FHIP1A: variants seen among roughly 807,000 people sequenced by gnomAD.
FHIP1A encodes the protein FHF complex subunit HOOK interacting protein 1A.
In FHIP1A, 61 loss-of-function variants were observed where a neutral mutation model predicts 88.6. The ratio of observed to expected loss-of-function variants is 0.69; its 90% CI spans 0.56 to 0.85. FHIP1A has a LOEUF of 0.85. FHIP1A is among the 40% of genes least tolerant of loss of function. The probability of loss-of-function intolerance (pLI) is 0.00; values close to 1 mark genes in which losing one functional copy is unlikely to be tolerated. For synonymous variants in FHIP1A, 478 were observed against 496.0 expected (o/e 0.96, Z 0.48); for missense variants, 1,154 against 1,273.5 (o/e 0.91, Z 1.43).
intron 1 of FHIP1A, among the ~76,000 whole-genome samples, chr4:151,438,490 T>G (rs1728287282): frequency 6.6e-6 from 1 of 151,828 alleles, no homozygotes; most frequent in Non-Finnish European, 1.5e-5. Context: ...AAACCAAAAG[T>G]ATGGGATTTG....
Position 151,649,660 on chromosome 4 carries a change from C to T in FHIP1A, c.1619C>T (p.Thr540Met), listed in dbSNP as rs564075271. The change falls in exon 11 of 14, where the codon ACG (threonine) becomes ATG (methionine). Residue 540 changes from threonine to methionine, a missense_variant. Coordinates refer to ENST00000435205, the MANE Select transcript of FHIP1A (RefSeq NM_001109977.3). ...CCTGAGATGTTTCTCCAGAGTCTGA[C>T]GGAGGAGGGCAGTGTGAGCTCGGCC... ...PDPEMFLQSLTEEGSVSSACP... is the reference protein window; with the variant it reads ...PDPEMFLQSLMEEGSVSSACP... 85 of 1,551,572 alleles carry T rather than the reference C, an allele frequency of 5.5e-5. 1 individual carries two copies. Among genetic ancestry groups the T allele is most frequent in the East Asian group, 3.7e-4 (15 of 40,902 alleles).
chr4:151,639,912 GGGA>G (rs1736505240), intron 9 of FHIP1A, among the ~76,000 whole-genome samples: 1 of 152,184 alleles, frequency 6.6e-6, no homozygotes, highest in Non-Finnish European at 1.5e-5. Flanking sequence ...TGGGGGAAGA[GGGA>G]GGAGACCTGG....
chr4:151,636,176 AAATC>A (rs1349910833), intron 8 of FHIP1A, among the ~76,000 whole-genome samples: 1 of 152,032 alleles, frequency 6.6e-6, no homozygotes, highest in Non-Finnish European at 1.5e-5. Flanking sequence ...TAAAGTCTGA[AAATC>A]AATTAATGTA....
intron 7 of FHIP1A, among the ~76,000 whole-genome samples, chr4:151,593,002 C>G (rs531474665): frequency 8.4e-4 from 128 of 152,268 alleles, no homozygotes; most frequent in Non-Finnish European, 1.5e-3. Context: ...TTTCCCAGCA[C>G]CATTTATTAA....
At chr4:151,505,940 T>A (rs1328799318) in intron 3 of FHIP1A, among the ~76,000 whole-genome samples, 1 of 152,130 alleles carries the variant, frequency 6.6e-6, no homozygotes, top group Non-Finnish European at 1.5e-5. Flanking sequence ...ATTTTTTTCT[T>A]GAGATAGGGT....
chr4:151,597,029 A>G (rs943487990), intron 7 of FHIP1A, among the ~76,000 whole-genome samples: 2 of 151,998 alleles, frequency 1.3e-5, no homozygotes, highest in African/African-American at 4.8e-5. Flanking sequence ...ACTTCTGTCA[A>G]TTTGTCAAAC....
In FHIP1A at chr4:151,488,805, A is replaced by G. The variant is rs531761669; in HGVS notation, c.-123+6157A>G. Among the ~76,000 whole-genome samples the G allele has an allele frequency of 5.3e-5, 8 of 152,358 alleles. No individual in the cohort carries two copies. The South Asian group carries it at 1.7e-3, about 32-fold the overall frequency. The stretch of plus-strand genomic sequence containing the variant: ...TGTGCGTCTATCACCCAACGTAAGT[A>G]TTCAATATTGATCATATGAAAGGAC... On this transcript the variant is annotated intron_variant, in intron 3 of 13. Coordinates refer to ENST00000435205, the MANE Select transcript of FHIP1A (RefSeq NM_001109977.3).
At chr4:151,590,416 T>C (rs929086345) in intron 7 of FHIP1A, among the ~76,000 whole-genome samples, 6 of 152,252 alleles carry the variant, frequency 3.9e-5, no homozygotes, top group East Asian at 1.9e-4. Flanking sequence ...TTATTCATAA[T>C]TGAGGATGAA....
intron 9 of FHIP1A, 45 bp downstream of exon 9, chr4:151,638,801 A>C (rs1384938866): frequency 7.5e-6 from 7 of 936,750 alleles, no homozygotes; most frequent in Non-Finnish European, 1.1e-5. Flanking sequence ...TTCACTTTAT[A>C]CTTTATATTA....
intron 7 of FHIP1A, among the ~76,000 whole-genome samples, chr4:151,629,345 A>C (rs542686048): frequency 5.6e-4 from 86 of 152,326 alleles, no homozygotes; most frequent in African/African-American, 1.8e-3. Flanking sequence ...CGGGCTTTCT[A>C]ATTAATCCTT....
chr4:151,558,788 G>T (rs976751883), intron 3 of FHIP1A, among the ~76,000 whole-genome samples: 1 of 152,106 alleles, frequency 6.6e-6, no homozygotes, highest in Non-Finnish European at 1.5e-5. Context: ...ACCACATTTG[G>T]GGAACCACTG....
At chr4:151,499,917 A>G (rs766825765) in intron 3 of FHIP1A, among the ~76,000 whole-genome samples, 4 of 152,252 alleles carry the variant, frequency 2.6e-5, no homozygotes, top group Non-Finnish European at 5.9e-5. Flanking sequence ...TATGGGAACT[A>G]CAATTCAAGA....
intron 3 of FHIP1A, among the ~76,000 whole-genome samples, chr4:151,509,755 A>G (rs984578872): frequency 1.6e-5 from 2 of 121,250 alleles, no homozygotes; most frequent in African/African-American, 6.9e-5. Flanking sequence ...TACTGTCTCT[A>G]TGTTTGTGTG....
intron 3 of FHIP1A, among the ~76,000 whole-genome samples, chr4:151,493,058 G>C (rs1370330058): frequency 6.6e-6 from 1 of 152,006 alleles, no homozygotes; most frequent in Admixed American, 6.6e-5. Context: ...TATTTAAAAA[G>C]ATAAACAAAA....
chr4:151,617,324 C>A (rs1216906657), intron 7 of FHIP1A, among the ~76,000 whole-genome samples: 2 of 150,264 alleles, frequency 1.3e-5, no homozygotes, highest in Non-Finnish European at 3.0e-5. Flanking sequence ...AAAAAAAAAA[C>A]AAATTGGAGT....
intron 1 of FHIP1A, among the ~76,000 whole-genome samples, chr4:151,445,271 A>G (rs549333791): frequency 2.0e-5 from 3 of 151,976 alleles, no homozygotes; most frequent in Non-Finnish European, 4.4e-5. Context: ...CAGCATAGGA[A>G]CCTCAGTCTT....
intron 3 of FHIP1A, among the ~76,000 whole-genome samples, chr4:151,514,770 T>C (rs1731166345): frequency 6.6e-6 from 1 of 152,060 alleles, no homozygotes; most frequent in Non-Finnish European, 1.5e-5. Flanking sequence ...GTTGAATCTC[T>C]GAATAGACCA....
intron 4 of FHIP1A, among the ~76,000 whole-genome samples, chr4:151,574,490 CTT>C (rs1202648035): frequency 6.6e-6 from 1 of 151,636 alleles, no homozygotes; most frequent in African/African-American, 2.4e-5. Flanking sequence ...TTTGCTGTAT[CTT>C]TCATATTTGC....
chr4:151,593,571 T>C (rs1734526240), intron 7 of FHIP1A, among the ~76,000 whole-genome samples: 1 of 152,170 alleles, frequency 6.6e-6, no homozygotes, highest in South Asian at 2.1e-4. Flanking sequence ...GTGTTTCTAT[T>C]ATTTATGTAT....
Sources: gnomAD v4.1 joint callset for allele counts (sites outside exome capture counted in the v4.1 genomes callset) on GRCh38, gnomAD v4.1.1 for gene constraint, MANE v1.5 for transcripts, NCBI Gene and HGNC (gene_info 2026-07-23, HGNC 2026-07-21) for gene names.